ZNF385D: variants seen among roughly 807,000 people sequenced by gnomAD.
The protein encoded by ZNF385D is zinc finger protein 385D.
In ZNF385D, 15 loss-of-function variants were observed where a neutral mutation model predicts 35.8. The observed-to-expected ratio is 0.42, with a 90% confidence interval of 0.28 to 0.64. ZNF385D has a LOEUF of 0.64. ZNF385D is among the 30% of genes least tolerant of loss of function. ZNF385D has a pLI of 0.23. For missense variants in ZNF385D, 474 were observed against 494.6 expected (o/e 0.96, Z 0.39); for synonymous variants, 212 against 186.8 (o/e 1.13, Z -1.10).
chr3:21,717,567 G>T (rs1268004017), intron 1 of ZNF385D, among the ~76,000 whole-genome samples: 1 of 152,160 alleles, frequency 6.6e-6, no homozygotes, highest in Non-Finnish European at 1.5e-5. Context: ...TAGTTTCACT[G>T]TGTCCCCACC....
intron 2 of ZNF385D, among the ~76,000 whole-genome samples, chr3:22,312,291 C>A (rs1703604504): frequency 6.6e-6 from 1 of 152,128 alleles, no homozygotes; most frequent in Non-Finnish European, 1.5e-5. Context: ...AGTCAACTTT[C>A]ATAAGCACTT....
chr3:22,118,377 A>G (rs573504682), intron 3 of ZNF385D, among the ~76,000 whole-genome samples: 39 of 152,238 alleles, frequency 2.6e-4, no homozygotes, highest in African/African-American at 9.4e-4. Flanking sequence ...AACTGTAAAT[A>G]TAAATATAAG....
At chr3:21,527,248 T>C (rs998864679) in intron 3 of ZNF385D, among the ~76,000 whole-genome samples, 7 of 152,212 alleles carry the variant, frequency 4.6e-5, no homozygotes, top group Non-Finnish European at 1.0e-4. Context: ...CTGTGCATAC[T>C]GTTACAGTAA....
intron 3 of ZNF385D, among the ~76,000 whole-genome samples, chr3:22,157,968 A>T (rs1190980613): frequency 2.0e-5 from 3 of 152,102 alleles, no homozygotes; most frequent in Admixed American, 6.6e-5. Flanking sequence ...GAATAACTCT[A>T]ATCTCACGTA....
At chr3:22,196,492 C>A (rs991582579) in intron 2 of ZNF385D, among the ~76,000 whole-genome samples, 4 of 151,872 alleles carry the variant, frequency 2.6e-5, no homozygotes, top group Non-Finnish European at 5.9e-5. Flanking sequence ...CTTTCTCTTG[C>A]ATTTTGACTG....
At chr3:22,082,458 C>G (rs1700802037) in intron 3 of ZNF385D, among the ~76,000 whole-genome samples, 1 of 152,192 alleles carries the variant, frequency 6.6e-6, no homozygotes, top group Admixed American at 6.5e-5. Flanking sequence ...GCTAGTGCAG[C>G]AGTCCGAGAT....
intron 3 of ZNF385D, among the ~76,000 whole-genome samples, chr3:21,916,922 C>G (rs899781603): frequency 6.6e-5 from 10 of 152,334 alleles, no homozygotes; most frequent in African/African-American, 1.2e-4. Context: ...CAATCCCATT[C>G]TGTATGTCGA....
intron 1 of ZNF385D, among the ~76,000 whole-genome samples, chr3:21,675,466 A>G (rs988245104): frequency 2.0e-5 from 3 of 152,198 alleles, no homozygotes; most frequent in South Asian, 2.1e-4. Flanking sequence ...GGTTAAAACA[A>G]TTGCTCAAGT....
At chr3:21,699,094 T>C (rs1395863474) in intron 1 of ZNF385D, among the ~76,000 whole-genome samples, 2 of 152,102 alleles carry the variant, frequency 1.3e-5, no homozygotes, top group African/African-American at 2.4e-5. Flanking sequence ...AACCCAAATG[T>C]CCATCAATGA....
intron 2 of ZNF385D, among the ~76,000 whole-genome samples, chr3:21,587,181 G>C (rs1357708363): frequency 6.6e-6 from 1 of 152,056 alleles, no homozygotes; most frequent in African/African-American, 2.4e-5. Context: ...TCCCCTTTTA[G>C]CAATATTAGG....
intron 3 of ZNF385D, among the ~76,000 whole-genome samples, chr3:22,028,961 A>G (rs1340614715): frequency 6.6e-6 from 1 of 152,150 alleles, no homozygotes; most frequent in Non-Finnish European, 1.5e-5. Context: ...CATAGCCATG[A>G]TTCATGGGTC....
At chr3:22,148,744 C>G (rs1439739066) in intron 3 of ZNF385D, among the ~76,000 whole-genome samples, 2 of 152,132 alleles carry the variant, frequency 1.3e-5, no homozygotes, top group Non-Finnish European at 2.9e-5. Context: ...TCCAGCAGTA[C>G]TACCTGACTA....
At chr3:21,850,171 T>A (rs76435507) in intron 3 of ZNF385D, among the ~76,000 whole-genome samples, 1 of 145,786 alleles carries the variant, frequency 6.9e-6, no homozygotes, top group Non-Finnish European at 1.5e-5. Context: ...GATATAAAAA[T>A]GTATACTCAC....
intron 3 of ZNF385D, among the ~76,000 whole-genome samples, chr3:22,107,566 T>C (rs1369619763): frequency 6.6e-6 from 1 of 152,140 alleles, no homozygotes; most frequent in Non-Finnish European, 1.5e-5. Context: ...ATGACTTCTT[T>C]AGTGACTACA....
At chr3:21,636,400 A>ATT (rs1426416043) in intron 2 of ZNF385D, among the ~76,000 whole-genome samples, 2 of 41,932 alleles carry the variant, frequency 4.8e-5, no homozygotes, top group African/African-American at 2.1e-4. Flanking sequence ...ATATATATAT[A>ATT]TATATATATA....
intron 3 of ZNF385D, among the ~76,000 whole-genome samples, chr3:21,521,025 AAAG>A (rs1458345623): frequency 1.3e-5 from 2 of 152,224 alleles, no homozygotes; most frequent in African/African-American, 2.4e-5. Context: ...TCCATAAGTC[AAAG>A]AAGGTCTTCC....
At chr3:21,530,022 C>G (rs1043682343) in intron 3 of ZNF385D, among the ~76,000 whole-genome samples, 2 of 151,972 alleles carry the variant, frequency 1.3e-5, no homozygotes, top group African/African-American at 4.8e-5. Flanking sequence ...AGTGCCATCC[C>G]CTTGGTGAGG....
At chr3:21,902,401 G>C (rs915626692) in intron 3 of ZNF385D, among the ~76,000 whole-genome samples, 2 of 152,126 alleles carry the variant, frequency 1.3e-5, no homozygotes, top group African/African-American at 4.8e-5. Flanking sequence ...AATAGAGATC[G>C]ATCCAGAGGG....
chr3:21,667,820 T>G (rs888926664), intron 1 of ZNF385D, among the ~76,000 whole-genome samples: 2 of 152,210 alleles, frequency 1.3e-5, no homozygotes, highest in African/African-American at 4.8e-5. Context: ...CATGTAAATT[T>G]AATTTCCCAT....
Sources: gnomAD v4.1 joint callset for allele counts (sites outside exome capture counted in the v4.1 genomes callset) on GRCh38, gnomAD v4.1.1 for gene constraint, MANE v1.5 for transcripts, NCBI Gene and HGNC (gene_info 2026-07-23, HGNC 2026-07-21) for gene names.